The following LRIF1 variants were observed in gnomAD, a reference collection of about 807,000 sequenced individuals.
LRIF1 encodes the protein ligand-dependent nuclear receptor-interacting factor 1.
LRIF1 carries 32 observed loss-of-function variants against 52.7 expected under a neutral mutation model. That is an observed-to-expected ratio of 0.61 (90% confidence interval 0.46 to 0.82). The LOEUF is 0.82. Among genes scored for constraint, LRIF1 ranks in the 40% least tolerant of loss-of-function variants. The probability of loss-of-function intolerance (pLI) is 0.00; values close to 1 mark genes in which losing one functional copy is unlikely to be tolerated. For synonymous variants in LRIF1, 323 were observed against 317.4 expected (o/e 1.02, Z -0.19); for missense variants, 887 against 892.0 (o/e 0.99, Z 0.07).
At chr1:110,910,276 G>C in the LRIF1 span, among the ~76,000 whole-genome samples, 1 of 144,476 alleles carries the variant, frequency 6.9e-6, no homozygotes, top group Admixed American at 7.1e-5. Flanking sequence ...CACACATTCG[G>C]TCTTAAAGCA....
chr1:110,879,274 A>G, the LRIF1 span, among the ~76,000 whole-genome samples: 1 of 152,160 alleles, frequency 6.6e-6, no homozygotes, highest in African/African-American at 2.4e-5. Context: ...CCCTCAGAAC[A>G]ACCTCTGAGG....
At chr1:110,893,161 T>A in the LRIF1 span, among the ~76,000 whole-genome samples, 2 of 152,260 alleles carry the variant, frequency 1.3e-5, no homozygotes, top group Non-Finnish European at 2.9e-5. Context: ...CACTGAGCTC[T>A]ACATTTCTGT....
At chr1:110,899,136 T>A in the LRIF1 span, 2 of 1,613,812 alleles carry the variant, frequency 1.2e-6, no homozygotes, top group Non-Finnish European at 1.7e-6. Context: ...GTTGGGGATG[T>A]CCTTTGCACT....
At chr1:110,907,839 C>T in the LRIF1 span, among the ~76,000 whole-genome samples, 1 of 152,202 alleles carries the variant, frequency 6.6e-6, no homozygotes, top group East Asian at 1.9e-4. Flanking sequence ...TAACATCCTT[C>T]AGCACCTTAC....
chr1:110,931,039 G>C, the LRIF1 span, among the ~76,000 whole-genome samples: 1 of 151,812 alleles, frequency 6.6e-6, no homozygotes, highest in Non-Finnish European at 1.5e-5. Flanking sequence ...CAACATGCAG[G>C]TTTATTACAT....
chr1:110,943,141 T>C (rs1018765751), downstream of LRIF1, among the ~76,000 whole-genome samples: 2 of 152,256 alleles, frequency 1.3e-5, no homozygotes, highest in Admixed American at 1.3e-4. Context: ...AAGTGTCAAA[T>C]GCTATTGACA....
chr1:110,960,137 G>A (rs1470765438), intron 1 of LRIF1, among the ~76,000 whole-genome samples: 4 of 152,052 alleles, frequency 2.6e-5, no homozygotes, highest in Non-Finnish European at 5.9e-5. Flanking sequence ...TTTTATACTT[G>A]AGAAAATGGA....
chr1:110,937,669 C>CT, the LRIF1 span: 1 of 151,610 alleles, frequency 6.6e-6, no homozygotes, highest in Non-Finnish European at 1.5e-5. Flanking sequence ...TCTTAAAGAA[C>CT]TAGAAAAGCA....
the LRIF1 span, among the ~76,000 whole-genome samples, chr1:110,893,338 T>TG: frequency 1.3e-5 from 2 of 152,228 alleles, no homozygotes; most frequent in Non-Finnish European, 2.9e-5. Flanking sequence ...GTTGTTGTTT[T>TG]GGAGATGGAG....
the LRIF1 span, among the ~76,000 whole-genome samples, chr1:110,885,522 A>G: frequency 6.6e-6 from 1 of 151,878 alleles, no homozygotes; most frequent in Non-Finnish European, 1.5e-5. Context: ...TGGGCGACAG[A>G]GCGAGACTCT....
intron 1 of LRIF1, among the ~76,000 whole-genome samples, chr1:110,953,366 T>C (rs1658562521): frequency 6.6e-6 from 1 of 152,256 alleles, no homozygotes; most frequent in Non-Finnish European, 1.5e-5. Context: ...TTCACTGAAC[T>C]GTTTACATAG....
chr1:110,957,491 A>AAAAAAAAAAAAAC, intron 1 of LRIF1, among the ~76,000 whole-genome samples: 1 of 149,736 alleles, frequency 6.7e-6, no homozygotes, highest in Non-Finnish European at 1.5e-5. Flanking sequence ...AAAAAAAAAA[A>AAAAAAAAAAAAAC]AGACTGCAAC....
the LRIF1 span, among the ~76,000 whole-genome samples, chr1:110,893,601 C>G: frequency 6.6e-6 from 1 of 152,212 alleles, no homozygotes; most frequent in African/African-American, 2.4e-5. Context: ...GGATTATAGG[C>G]GTAAGCCACT....
chr1:110,878,122 T>C, the LRIF1 span, among the ~76,000 whole-genome samples: 1 of 152,206 alleles, frequency 6.6e-6, no homozygotes, highest in Non-Finnish European at 1.5e-5. Flanking sequence ...ATTTGCAGAA[T>C]GGGGCTAATG....
the LRIF1 span, among the ~76,000 whole-genome samples, chr1:110,906,366 G>A: frequency 1.3e-5 from 2 of 151,960 alleles, no homozygotes; most frequent in African/African-American, 4.8e-5. Flanking sequence ...TCAACATAGC[G>A]AGACCCCATA....
At chr1:110,940,825 G>A in the LRIF1 span, 1 of 152,222 alleles carries the variant, frequency 6.6e-6, no homozygotes, top group East Asian at 1.9e-4. Flanking sequence ...TCAGAGGCTG[G>A]GAAGGGTACT....
chr1:110,917,584 T>C, the LRIF1 span, among the ~76,000 whole-genome samples: 2 of 152,032 alleles, frequency 1.3e-5, no homozygotes, highest in African/African-American at 2.4e-5. Flanking sequence ...GCTTGACATA[T>C]ATCAATGCAC....
the LRIF1 span, chr1:110,894,360 G>A: frequency 6.2e-7 from 1 of 1,614,014 alleles, no homozygotes; most frequent in Non-Finnish European, 8.5e-7. Context: ...CCTCCTTGCT[G>A]AGGTGACCTT....
At chr1:110,929,110 G>A in the LRIF1 span, among the ~76,000 whole-genome samples, 1 of 152,134 alleles carries the variant, frequency 6.6e-6, no homozygotes, top group Non-Finnish European at 1.5e-5. Flanking sequence ...ATTGTTTATG[G>A]CTGCATAGTA....
Sources: allele counts gnomAD v4.1 joint callset (sites outside exome capture counted in the v4.1 genomes callset), GRCh38; gene constraint gnomAD v4.1.1; transcripts MANE v1.5; gene names NCBI Gene and HGNC (gene_info 2026-07-23, HGNC 2026-07-21).